Variants in NOCT observed in about 807,000 individuals in gnomAD.
The protein encoded by NOCT is nocturnin.
Under a neutral mutation model 35.0 loss-of-function variants are expected in NOCT, and 18 were observed. That is an observed-to-expected ratio of 0.51 (90% CI 0.36 to 0.76). The LOEUF (loss-of-function observed/expected upper bound fraction) is 0.76, where lower values mean the gene tolerates loss of function less well. NOCT is among the 30% of genes least tolerant of loss of function. The pLI is 0.01. For synonymous variants in NOCT, 235 were observed against 226.3 expected, an observed-to-expected ratio of 1.04 and a Z score of -0.34; for missense variants, 479 against 541.0, an observed-to-expected ratio of 0.89 and a Z score of 1.14.
At chr4:139,043,448 G>A in intron 2 of NOCT, 105 bp downstream of exon 2, 1 of 1,104,960 alleles carries the variant, frequency 9.1e-7, no homozygotes, top group South Asian at 1.4e-5. Context: ...AGAGGTGTGG[G>A]CAGATGGAGG....
intron 1 of NOCT, among the ~76,000 whole-genome samples, chr4:139,023,260 C>T (rs1397891420): frequency 1.3e-5 from 2 of 151,880 alleles, no homozygotes; most frequent in African/African-American, 4.8e-5. Flanking sequence ...TTAAACAGCT[C>T]TGTTTGCCGA....
intron 1 of NOCT, among the ~76,000 whole-genome samples, chr4:139,025,242 T>A (rs1726491335): frequency 6.6e-6 from 1 of 152,186 alleles, no homozygotes; most frequent in Admixed American, 6.6e-5. Flanking sequence ...CACATGTAAC[T>A]AGTGCCACCG....
Position 139,043,074 on chromosome 4 carries a change from T to C in NOCT, c.191T>C (p.Val64Ala), listed in dbSNP as rs1243705132. 6.3e-6 allele frequency: 10 copies of C among 1,590,590 alleles called. No individual in the cohort carries two copies. Among genetic ancestry groups the C allele is most frequent in the South Asian group, 2.2e-5 (2 of 90,340 alleles). ...SGAARSCSRT[V>A]CSMGTGTSRL... is the part of the protein sequence containing the mutation. ...GTAACTGTGATTTCCTTTTCCGTAGTGTGTTCCATGGGAACCGGTACAAGC... is the reference window on the plus strand; with the variant it reads ...GTAACTGTGATTTCCTTTTCCGTAGCGTGTTCCATGGGAACCGGTACAAGC... The change falls in exon 2 of 3, where the codon GTG becomes GCG. Residue 64 changes from valine (V) to alanine (A), a missense_variant and splice_region_variant. This residue lies in a region of NOCT where 265 missense variants were observed against 257.0 expected (regional missense o/e 1.03). Coordinates refer to ENST00000280614, the MANE Select transcript of NOCT (RefSeq NM_012118.4).
intron 1 of NOCT, among the ~76,000 whole-genome samples, chr4:139,040,289 C>T (rs150047651): frequency 4.7e-4 from 71 of 152,030 alleles, no homozygotes; most frequent in African/African-American, 1.5e-3. Flanking sequence ...ATGCGCCCGC[C>T]TCGGCCTCCC....
intron 1 of NOCT, among the ~76,000 whole-genome samples, chr4:139,040,124 T>C (rs184768213): frequency 3.4e-5 from 5 of 145,038 alleles, no homozygotes; most frequent in African/African-American, 1.3e-4. Flanking sequence ...CACTGCAAGC[T>C]CCGCCTCCCG....
chr4:139,044,889 C>G lies in NOCT; in HGVS notation c.711C>G (p.Ala237=), dbSNP rs1039996020. The change falls in exon 3 of 3, where the codon GCC becomes GCG. Residue 237 remains alanine, a synonymous_variant. Transcript: ENST00000280614. ...ACAACAATGGACCAGATGGTTGTGC[C>G]TTATTTTTTCTTCAAAACCGATTCA... The part of the protein sequence containing the change: ...VEHNNGPDGC[A]LFFLQNRFKL... 11 of 1,613,984 alleles carry G rather than the reference C, an allele frequency of 6.8e-6. No individual in the cohort carries two copies. In the Admixed American group the frequency reaches 1.0e-4, roughly 15 times the overall value.
intron 1 of NOCT, among the ~76,000 whole-genome samples, chr4:139,021,341 G>A (rs868218380): frequency 2.0e-5 from 3 of 151,970 alleles, no homozygotes; most frequent in African/African-American, 7.2e-5. Flanking sequence ...TTCCAGGGCC[G>A]GGCACAGTGG....
chr4:139,029,119 G>A (rs1007733518), intron 1 of NOCT, among the ~76,000 whole-genome samples: 2 of 152,136 alleles, frequency 1.3e-5, no homozygotes, highest in Non-Finnish European at 2.9e-5. Flanking sequence ...GATTACAGGC[G>A]TGAGCCACCA....
At chr4:139,032,989 T>TG (rs900204257) in intron 1 of NOCT, among the ~76,000 whole-genome samples, 8 of 149,622 alleles carry the variant, frequency 5.3e-5, no homozygotes, top group Admixed American at 1.3e-4. Context: ...TGCTTGACCC[T>TG]GGGGGGCGGA....
intron 1 of NOCT, among the ~76,000 whole-genome samples, chr4:139,039,212 A>T (rs1012561845): frequency 6.8e-6 from 1 of 145,986 alleles, no homozygotes; most frequent in East Asian, 2.1e-4. Context: ...GAGGACTGCC[A>T]ATCCTTGCTT....
intron 1 of NOCT, chr4:139,028,412 T>G (rs1047023256): frequency 1.1e-4 from 17 of 152,256 alleles, no homozygotes; most frequent in African/African-American, 4.1e-4. Flanking sequence ...TTTAGACACG[T>G]TAGGTTGAGA....
chr4:139,024,896 G>A (rs190643826), intron 1 of NOCT, among the ~76,000 whole-genome samples: 2 of 152,308 alleles, frequency 1.3e-5, no homozygotes, highest in African/African-American at 4.8e-5. Context: ...GAGCCACCGC[G>A]CCCAGCCAGT....
At chr4:139,029,625 T>A (rs1304627368) in intron 1 of NOCT, among the ~76,000 whole-genome samples, 2 of 152,226 alleles carry the variant, frequency 1.3e-5, no homozygotes, top group African/African-American at 2.4e-5. Context: ...ATTTTTATTT[T>A]AAATTTAATA....
intron 1 of NOCT, among the ~76,000 whole-genome samples, chr4:139,035,085 T>C (rs1222217302): frequency 6.6e-6 from 1 of 152,138 alleles, no homozygotes; most frequent in Non-Finnish European, 1.5e-5. Context: ...ACCACTGTAG[T>C]TGGCACCTCC....
At chr4:139,040,469 G>A (rs1375405304) in intron 1 of NOCT, among the ~76,000 whole-genome samples, 1 of 152,090 alleles carries the variant, frequency 6.6e-6, no homozygotes, top group Non-Finnish European at 1.5e-5. Flanking sequence ...ATGTGAAATT[G>A]ATTTTTCTAA....
intron 1 of NOCT, among the ~76,000 whole-genome samples, chr4:139,019,816 G>A (rs1393505430): frequency 6.6e-6 from 1 of 152,188 alleles, no homozygotes; most frequent in Non-Finnish European, 1.5e-5. Context: ...TGGATGAAAC[G>A]CAGTTGGAAG....
Position 139,016,109 on chromosome 4 carries a change from C to A in NOCT, c.128C>A (p.Ser43Tyr), listed in dbSNP as rs936098728. Residue 43 changes from serine (S) to tyrosine (Y), a missense_variant, in exon 1 of 3, where the codon TCC becomes TAC. Transcript: ENST00000280614. ...SPPAAVPRPA[S>Y]PRLLAAASAA... ...CCGGCTGCTGTTCCCAGGCCCGCAT[C>A]CCCCCGGCTGCTGGCGGCGGCCTCG... is the stretch of plus-strand genomic sequence containing the variant. 6.8e-6 allele frequency: 9 copies of A among 1,319,164 alleles called. No homozygotes were observed. In the Admixed American group the frequency reaches 9.5e-5, roughly 14 times the overall value. 81.7% of individuals were successfully genotyped at this position (1,319,164 alleles called of 1,614,324 possible).
intron 2 of NOCT, chr4:139,043,566 G>T (rs1726877800): frequency 7.9e-6 from 4 of 509,276 alleles, no homozygotes; most frequent in African/African-American, 5.8e-5. Flanking sequence ...AATTGTTCTT[G>T]GATAGTCTAC....
intron 1 of NOCT, among the ~76,000 whole-genome samples, chr4:139,040,110 G>A (rs1483007883): frequency 6.7e-6 from 1 of 148,828 alleles, no homozygotes; most frequent in Admixed American, 6.8e-5. Flanking sequence ...GCGCGATCTC[G>A]GCTCACTGCA....
Sources: allele counts gnomAD v4.1 joint callset (sites outside exome capture counted in the v4.1 genomes callset), GRCh38; gene constraint gnomAD v4.1.1; regional missense constraint gnomAD v4.1.1; transcripts MANE v1.5; gene names NCBI Gene and HGNC (gene_info 2026-07-23, HGNC 2026-07-21).